The following GMDS variants were observed in gnomAD, a reference collection of about 807,000 sequenced individuals.
GMDS encodes GDP-mannose 4,6 dehydratase.
In GMDS, 20 loss-of-function variants were observed where a neutral mutation model predicts 49.9. The ratio of observed to expected loss-of-function variants is 0.40; its 90% confidence interval spans 0.28 to 0.58. The LOEUF is 0.58. GMDS is among the 20% of genes least tolerant of loss of function. The probability of loss-of-function intolerance (pLI) is 0.42; values close to 1 mark genes in which losing one functional copy is unlikely to be tolerated. For synonymous variants in GMDS, 177 were observed against 178.6 expected, an observed-to-expected ratio of 0.99 and a Z score of 0.07; for missense variants, 362 against 481.4, an observed-to-expected ratio of 0.75 and a Z score of 2.32.
chr6:2,110,924 G>A (rs1774511598), intron 4 of GMDS, among the ~76,000 whole-genome samples: 1 of 152,146 alleles, frequency 6.6e-6, no homozygotes, highest in Non-Finnish European at 1.5e-5. Context: ...AAGACTAAGT[G>A]ACTTTCTGTC....
intron 7 of GMDS, among the ~76,000 whole-genome samples, chr6:1,775,968 T>C (rs769931747): frequency 7.2e-5 from 11 of 152,158 alleles, no homozygotes; most frequent in Non-Finnish European, 1.2e-4. Context: ...TATGTGGGGT[T>C]TTATGATAAT....
intron 1 of GMDS, among the ~76,000 whole-genome samples, chr6:2,186,039 A>C (rs1778764802): frequency 6.6e-6 from 1 of 152,230 alleles, no homozygotes; most frequent in Admixed American, 6.5e-5. Flanking sequence ...GTTCTTACCA[A>C]TGAGTCCCAA....
chr6:1,841,281 TC>T (rs1329639010), intron 7 of GMDS, among the ~76,000 whole-genome samples: 3 of 152,214 alleles, frequency 2.0e-5, no homozygotes, highest in Non-Finnish European at 4.4e-5. Flanking sequence ...TTCAAGGCGT[TC>T]CTTGTTTTCA....
At chr6:1,967,140 G>C (rs542540044) in intron 4 of GMDS, among the ~76,000 whole-genome samples, 1 of 152,136 alleles carries the variant, frequency 6.6e-6, no homozygotes. Flanking sequence ...TGCCTCCCTC[G>C]CTAAAAACAT....
chr6:1,703,103 A>G (rs1765600114), intron 9 of GMDS, among the ~76,000 whole-genome samples: 1 of 152,194 alleles, frequency 6.6e-6, no homozygotes, highest in African/African-American at 2.4e-5. Context: ...AATGAGGACA[A>G]GCACATGCAG....
chr6:1,864,256 TAATTTC>T (rs1164229553), intron 7 of GMDS, among the ~76,000 whole-genome samples: 1 of 152,198 alleles, frequency 6.6e-6, no homozygotes. Context: ...AGAAAAAAGA[TAATTTC>T]AATATTACAT....
chr6:2,131,202 A>G (rs912383374), intron 1 of GMDS, among the ~76,000 whole-genome samples: 7 of 152,194 alleles, frequency 4.6e-5, no homozygotes, highest in Non-Finnish European at 7.3e-5. Context: ...ACATCTTTGC[A>G]CAACCCAACA....
At chr6:1,849,464 T>C (rs1482504403) in intron 7 of GMDS, among the ~76,000 whole-genome samples, 1 of 152,038 alleles carries the variant, frequency 6.6e-6, no homozygotes, top group Admixed American at 6.6e-5. Context: ...TTAAAGGAGG[T>C]GACAAAGGGT....
chr6:1,928,964 G>A (rs894700626), intron 7 of GMDS, among the ~76,000 whole-genome samples: 7 of 134,800 alleles, frequency 5.2e-5, no homozygotes. Context: ...GAGAGACTCT[G>A]TCTCAAAAAT....
chr6:2,134,490 A>G (rs763452423), intron 1 of GMDS, among the ~76,000 whole-genome samples: 29 of 152,198 alleles, frequency 1.9e-4, no homozygotes, highest in South Asian at 4.1e-4. Context: ...CTTGGTCTCA[A>G]TAGCACCAAA....
chr6:1,665,627 G>A (rs1457385441), intron 9 of GMDS, among the ~76,000 whole-genome samples: 1 of 152,218 alleles, frequency 6.6e-6, no homozygotes, highest in Non-Finnish European at 1.5e-5. Flanking sequence ...AGGCTTTGCT[G>A]TTGTTTTCCA....
At chr6:2,089,549 A>G (rs1001035332) in intron 4 of GMDS, among the ~76,000 whole-genome samples, 8 of 152,204 alleles carry the variant, frequency 5.3e-5, no homozygotes, top group Non-Finnish European at 1.2e-4. Context: ...CACCCAAAGT[A>G]AAAGAGAAAA....
intron 6 of GMDS, chr6:1,931,143 CATATT>C (rs1440187947): frequency 6.6e-6 from 1 of 152,134 alleles, no homozygotes; most frequent in Non-Finnish European, 1.5e-5. Flanking sequence ...TAATAATACT[CATATT>C]AGCTAGTTAA....
chr6:1,975,466 T>G (rs563909100), intron 4 of GMDS, among the ~76,000 whole-genome samples: 70 of 152,172 alleles, frequency 4.6e-4, no homozygotes, highest in African/African-American at 1.7e-3. Flanking sequence ...ATCAGGAAAC[T>G]TCGGACAGAA....
chr6:1,999,431 T>C (rs941643605), intron 4 of GMDS, among the ~76,000 whole-genome samples: 1 of 151,834 alleles, frequency 6.6e-6, no homozygotes, highest in Non-Finnish European at 1.5e-5. Flanking sequence ...AAGTTATTTC[T>C]ACAAAACCTA....
At chr6:1,867,112 C>T (rs781458339) in intron 7 of GMDS, among the ~76,000 whole-genome samples, 2 of 152,190 alleles carry the variant, frequency 1.3e-5, no homozygotes, top group Non-Finnish European at 2.9e-5. Context: ...TTGTATTCCA[C>T]TCTGATGATA....
chr6:1,873,506 C>G lies in GMDS; in HGVS notation c.771+56597G>C, dbSNP rs564758520. ...ACTTTTTCCCTGGAAACAGGGCACACAACAAGCTTAGACACTGAGAAATGA... is the reference window on the plus strand; with the variant it reads ...ACTTTTTCCCTGGAAACAGGGCACAGAACAAGCTTAGACACTGAGAAATGA... On this transcript the variant is annotated intron_variant, in intron 7 of 10. Transcript: ENST00000380815. Among the ~76,000 whole-genome samples the G allele has an allele frequency of 1.2e-3, 181 of 152,230 alleles. 1 individual carries two copies. In the South Asian group the frequency reaches 0.02, roughly 17 times the overall value.
chr6:1,867,377 C>T (rs1758490325), intron 7 of GMDS, among the ~76,000 whole-genome samples: 1 of 152,162 alleles, frequency 6.6e-6, no homozygotes, highest in South Asian at 2.1e-4. Context: ...GCAATACAAA[C>T]AATTAGGTGT....
At chr6:2,145,798 C>A (rs1238304629) in intron 1 of GMDS, among the ~76,000 whole-genome samples, 1 of 152,170 alleles carries the variant, frequency 6.6e-6, no homozygotes, top group South Asian at 2.1e-4. Context: ...GAGGCTGAGA[C>A]AAGAGGATGC....
Sources: allele counts gnomAD v4.1 joint callset (sites outside exome capture counted in the v4.1 genomes callset), GRCh38; gene constraint gnomAD v4.1.1; transcripts MANE v1.5; gene names NCBI Gene and HGNC (gene_info 2026-07-23, HGNC 2026-07-21).